The following TRPM7 variants were observed in gnomAD, a reference collection of about 807,000 sequenced individuals.
TRPM7 encodes transient receptor potential cation channel subfamily M member 7.
A neutral mutation model predicts 229.7 loss-of-function variants in TRPM7; 134 were observed. That is an observed-to-expected ratio of 0.58 (90% CI 0.51 to 0.67). TRPM7 has a LOEUF of 0.67. Ranked by LOEUF, TRPM7 falls within the 30% of genes least tolerant of loss-of-function variation. TRPM7 has a pLI of 0.00. For synonymous variants in TRPM7, 699 were observed against 715.2 expected (o/e 0.98, Z 0.36); for missense variants, 1,901 against 2,210.0 (o/e 0.86, Z 2.80).
chr15:50,682,849 T>C (rs1195678169), intron 1 of TRPM7, among the ~76,000 whole-genome samples: 1 of 152,026 alleles, frequency 6.6e-6, no homozygotes, highest in Non-Finnish European at 1.5e-5. Flanking sequence ...CAAGTAATGC[T>C]TATGTCCTAA....
At chr15:50,593,502 C>A in intron 25 of TRPM7, 115 bp downstream of exon 25, 1 of 1,129,618 alleles carries the variant, frequency 8.9e-7, no homozygotes, top group East Asian at 2.4e-5. Context: ...TCATGTAAAA[C>A]TGTAACTATG....
chr15:50,629,875 T>C (rs1255922033), intron 10 of TRPM7, among the ~76,000 whole-genome samples: 1 of 148,196 alleles, frequency 6.7e-6, no homozygotes, highest in African/African-American at 2.5e-5. Context: ...TTTTTTTTTT[T>C]TTTTTGGAGA....
intron 1 of TRPM7, among the ~76,000 whole-genome samples, chr15:50,680,682 G>A (rs955656960): frequency 9.2e-5 from 14 of 151,902 alleles, no homozygotes; most frequent in African/African-American, 3.4e-4. Flanking sequence ...ATCATTTGAA[G>A]AAAATCAAGT....
rs768611554 is a variant in TRPM7 at position 50,560,306 on chromosome 15, A to G, written c.*1372T>C. The stretch of plus-strand genomic sequence containing the variant: ...ACTCACTAAACATCTGTAAACAATA[A>G]ATTTATTTCATTTCTTTTAAAGATT... On this transcript the variant is annotated 3_prime_UTR_variant, in exon 39 of 39. Transcript: ENST00000646667. 2 of 152,560 alleles carry G rather than the reference A, an allele frequency of 1.3e-5. No homozygotes were observed. The highest frequency in any genetic ancestry group is 2.1e-4 in the South Asian group (1 of 4,830). The allele number at this position is 152,560 out of a possible 1,614,324, so 9.5% of individuals were successfully genotyped here. A position where few individuals can be genotyped will look rare whatever the true frequency, so the allele number is the denominator to read the frequency against.
rs1291241085 is a variant in TRPM7 at position 50,562,786 on chromosome 15, A to G, written c.5468-978T>C. The stretch of plus-strand genomic sequence containing the variant: ...AGATCCTGTCTCAAAAAAAAAAAAA[A>G]AAGTGCTTTGAAGAGAAGAGTGTAG... On this transcript the variant is annotated intron_variant, in intron 38 of 38. Coordinates refer to ENST00000646667, the MANE Select transcript of TRPM7 (RefSeq NM_017672.6). Among the ~76,000 whole-genome samples the G allele has an allele frequency of 2.6e-5, 4 of 151,980 alleles. No individual in the cohort carries two copies. In the East Asian group the frequency reaches 5.8e-4, roughly 22 times the overall value.
Position 50,583,150 on chromosome 15 carries a change from A to C in TRPM7, c.4496T>G (p.Ile1499Ser), listed in dbSNP as rs1566953944. The C allele has an allele frequency of 2.5e-6, 4 of 1,601,922 alleles. No individual in the cohort carries two copies. The Admixed American group carries it at 6.9e-5, about 28-fold the overall frequency. The part of the protein sequence containing the change: ...IPVHSKQAEK[I>S]SRRPSTEDTH... ...GTCTTCGGTAGATGGCCTTCTACTG[A>C]TTTTTTCTGCTAAAAGAAAATTAAA... Residue 1499 changes from isoleucine to serine, a missense_variant, in exon 29 of 39, where the codon ATC (isoleucine) becomes AGC (serine). By Grantham distance (142) the Ile-to-Ser change is moderately radical. Around this residue, in one of 8 missense-constraint regions of TRPM7, gnomAD observed 533 missense variants for 497.1 expected, o/e 1.07. Coordinates refer to ENST00000646667, the MANE Select transcript of TRPM7 (RefSeq NM_017672.6).
intron 27 of TRPM7, among the ~76,000 whole-genome samples, chr15:50,588,674 C>T (rs2059404881): frequency 6.6e-6 from 1 of 152,126 alleles, no homozygotes; most frequent in South Asian, 2.1e-4. Context: ...TCTTTAAGGG[C>T]TAGAGAAGCT....
rs2059709573 is a variant in TRPM7, at chr15:50,599,131, C to T, written c.3154G>A (p.Glu1052Lys). 3.1e-6 allele frequency: 5 copies of T among 1,597,262 alleles called. No individual in the cohort carries two copies. Among genetic ancestry groups the T allele is most frequent in the East Asian group, 2.2e-5 (1 of 44,674 alleles). ...WMIFGEVYAY[E>K]IDVCANDSVI... ...AATATACAATTCTTACCATCAATTT[C>T]GTATGCATAAACTTCACCAAAAATC... The change falls in exon 22 of 39, where the codon GAA becomes AAA. Residue 1052 changes from glutamate (E) to lysine (K), a missense_variant. By Grantham distance (56) the Glu-to-Lys change is moderately conservative (BLOSUM62 1). Coordinates refer to ENST00000646667, the MANE Select transcript of TRPM7 (RefSeq NM_017672.6).
chr15:50,648,673 AAT>A lies in TRPM7; in HGVS notation c.321+12_321+13del, dbSNP rs1326947991. On this transcript the variant is annotated intron_variant, in intron 4 of 38. Transcript: ENST00000646667. ...TAACAACATAAATGAAGAAAAATCC[AAT>A]ATGTGACATACCTTAGCTCTGTAGG... The A allele has an allele frequency of 6.4e-7, 1 of 1,567,138 alleles. No individual in the cohort carries two copies. Among genetic ancestry groups the A allele is most frequent in the Non-Finnish European group, 8.6e-7 (1 of 1,157,122 alleles).
At chr15:50,682,395 T>C (rs899630191) in intron 1 of TRPM7, among the ~76,000 whole-genome samples, 4 of 151,680 alleles carry the variant, frequency 2.6e-5, no homozygotes, top group African/African-American at 4.8e-5. Flanking sequence ...CTGGCCAACA[T>C]GGTGAAACCC....
rs148557552 is a variant in TRPM7 at position 50,633,493 on chromosome 15, TTA to T, written c.1008-503_1008-502del. Among the ~76,000 whole-genome samples, 291 of 152,318 alleles carry T rather than the reference TTA, an allele frequency of 1.9e-3. 1 individual carries two copies. Among genetic ancestry groups the T allele is most frequent in the African/African-American group, 6.4e-3 (267 of 41,586 alleles). On this transcript the variant is annotated intron_variant, in intron 8 of 38. Coordinates refer to ENST00000646667, the MANE Select transcript of TRPM7 (RefSeq NM_017672.6). The stretch of plus-strand genomic sequence containing the variant: ...ACAACTATTTTTAGGAATCATTTAC[TTA>T]TATATAACTTTCCAAGATGTCTTTC...
chr15:50,564,014 C>A (rs993555878), intron 38 of TRPM7, among the ~76,000 whole-genome samples: 3 of 152,070 alleles, frequency 2.0e-5, no homozygotes, highest in Admixed American at 6.6e-5. Flanking sequence ...GCCTGTGACA[C>A]CACACATGGC....
At chr15:50,590,743 G>C (rs1410708613) in intron 26 of TRPM7, among the ~76,000 whole-genome samples, 1 of 151,586 alleles carries the variant, frequency 6.6e-6, no homozygotes, top group Admixed American at 6.6e-5. Context: ...AGAATCACTT[G>C]AATCTGGGAG....
In TRPM7 at chr15:50,611,328, A is replaced by G; in HGVS notation, c.2052-7T>C. 1 of 1,608,198 alleles carries G rather than the reference A, an allele frequency of 6.2e-7. No homozygotes were observed. ...GGCCAACTGACCAAAATCACTATAA[A>G]AAGATAAAAGCCAAAATATACTCAG... is the stretch of plus-strand genomic sequence containing the variant. On this transcript the variant is annotated splice_polypyrimidine_tract_variant and splice_region_variant and intron_variant, in intron 16 of 38. Transcript: ENST00000646667.
In TRPM7 at chr15:50,583,137, T is replaced by C. The variant is rs746447497; in HGVS notation, c.4509A>G (p.Pro1503=). Reference sequence around the variant, plus strand: ...CTACTTCATGAGTGTCTTCGGTAGATGGCCTTCTACTGATTTTTTCTGCTA... The same window carrying C: ...CTACTTCATGAGTGTCTTCGGTAGACGGCCTTCTACTGATTTTTTCTGCTA... ...SKQAEKISRR[P]STEDTHEVDS... The change falls in exon 29 of 39, where the codon CCA becomes CCG. Residue 1503 remains proline (P), a synonymous_variant. Transcript: ENST00000646667. 1.9e-6 allele frequency: 3 copies of C among 1,606,998 alleles called. No homozygotes were observed. In the South Asian group the frequency reaches 3.4e-5, roughly 18 times the overall value.
chr15:50,620,583 T>C (rs891927119), intron 12 of TRPM7, among the ~76,000 whole-genome samples: 1 of 152,226 alleles, frequency 6.6e-6, no homozygotes, highest in Non-Finnish European at 1.5e-5. Flanking sequence ...TGACTACAAT[T>C]GATATTGCAT....
intron 4 of TRPM7, among the ~76,000 whole-genome samples, chr15:50,644,302 G>A (rs534017770): frequency 6.6e-6 from 1 of 152,276 alleles, no homozygotes; most frequent in South Asian, 2.1e-4. Flanking sequence ...CTGTTTAAGT[G>A]ATATCATAAG....
At chr15:50,622,187 C>T (rs1567028477) in intron 12 of TRPM7, among the ~76,000 whole-genome samples, 1 of 151,966 alleles carries the variant, frequency 6.6e-6, no homozygotes, top group African/African-American at 2.4e-5. Flanking sequence ...TTTTTTAAAA[C>T]TCTCATTTTT....
At chr15:50,632,682 T>G (rs971693091) in intron 9 of TRPM7, among the ~76,000 whole-genome samples, 187 bp downstream of exon 9, 2 of 152,200 alleles carry the variant, frequency 1.3e-5, no homozygotes, top group African/African-American at 2.4e-5. Flanking sequence ...TATAAAAAAC[T>G]ACAGGCCTCC....
Sources: gnomAD v4.1 joint callset for allele counts (sites outside exome capture counted in the v4.1 genomes callset) on GRCh38, gnomAD v4.1.1 for gene constraint, gnomAD v4.1.1 regional missense constraint, MANE v1.5 for transcripts, NCBI Gene and HGNC (gene_info 2026-07-23, HGNC 2026-07-21) for gene names.